Variants in FAM178B observed in about 807,000 individuals in gnomAD.
FAM178B encodes family with sequence similarity 178 member B, also known as protein FAM178B.
FAM178B carries 82 observed loss-of-function variants against 91.7 expected under a neutral mutation model. The ratio of observed to expected loss-of-function variants is 0.89; its 90% CI spans 0.75 to 1.07. FAM178B has a LOEUF of 1.07. Ranked by LOEUF, FAM178B falls within the 50% of genes least tolerant of loss-of-function variation. The probability of loss-of-function intolerance (pLI) is 0.00; values close to 1 mark genes in which losing one functional copy is unlikely to be tolerated. For missense variants in FAM178B, 769 were observed against 846.7 expected, an observed-to-expected ratio of 0.91 and a Z score of 1.14; for synonymous variants, 368 against 359.4, an observed-to-expected ratio of 1.02 and a Z score of -0.27.
At chr2:96,958,690 A>T (rs1301241440) in intron 6 of FAM178B, among the ~76,000 whole-genome samples, 1 of 90,712 alleles carries the variant, frequency 1.1e-5, no homozygotes, top group Non-Finnish European at 2.1e-5. Context: ...ACTCCATCTC[A>T]AAATACTAAA....
Position 96,949,157 on chromosome 2 carries a change from C to T in FAM178B, c.994-1255G>A, listed in dbSNP as rs78324560. Among the ~76,000 whole-genome samples the T allele has an allele frequency of 2.1e-3, 327 of 152,328 alleles. 10 individuals are homozygous for T. In the East Asian group the frequency reaches 0.057, roughly 26 times the overall value. The stretch of plus-strand genomic sequence containing the variant: ...ACGAGGGCACAGCTCAGCCAGTGCC[C>T]ATGCACACCCTATTAAAGCCCCAGG... On this transcript the variant is annotated intron_variant, in intron 7 of 16. Transcript: ENST00000490605.
At chr2:96,982,793 T>TG (rs1404316819) in intron 1 of FAM178B, among the ~76,000 whole-genome samples, 1 of 132,054 alleles carries the variant, frequency 7.6e-6, no homozygotes, top group Non-Finnish European at 1.6e-5. Flanking sequence ...TTGCCCAGGA[T>TG]GGTCTTGAAC....
chr2:96,926,369 G>C (rs1235458203), intron 9 of FAM178B, among the ~76,000 whole-genome samples: 1 of 152,178 alleles, frequency 6.6e-6, no homozygotes, highest in Non-Finnish European at 1.5e-5. Flanking sequence ...CCAGACTTTT[G>C]GTCTTCAGCG....
chr2:96,953,805 C>T (rs113060722), intron 6 of FAM178B, among the ~76,000 whole-genome samples: 3,415 of 152,300 alleles, frequency 0.022, 47 homozygotes, highest in Middle Eastern at 0.051. Flanking sequence ...CCCTTCCACG[C>T]CCTTCAGGTT....
At chr2:96,933,181 T>C (rs1204390135) in intron 8 of FAM178B, among the ~76,000 whole-genome samples, 3 of 152,078 alleles carry the variant, frequency 2.0e-5, no homozygotes, top group Non-Finnish European at 4.4e-5. Context: ...AGGTGGAGGT[T>C]GCAGTTAGCC....
intron 8 of FAM178B, among the ~76,000 whole-genome samples, chr2:96,932,595 G>A (rs568020339): frequency 6.6e-6 from 1 of 152,200 alleles, no homozygotes; most frequent in African/African-American, 2.4e-5. Flanking sequence ...ACACAGAACA[G>A]TCATTTTAGG....
chr2:96,929,244 A>C lies in FAM178B; in HGVS notation c.1155T>G (p.Pro385=). 2 of 1,551,664 alleles carry C rather than the reference A, an allele frequency of 1.3e-6. No homozygotes were observed. The highest frequency in any genetic ancestry group is 1.4e-5 in the African/African-American group (1 of 73,182). Residue 385 remains proline (P), a synonymous_variant, in exon 9 of 17, where the codon CCT becomes CCG. Transcript: ENST00000490605. ...EAFHSLGAHS[P]ALYPLGPFWH... ...AAAAGGGCCCCAGAGGGTACAGGGC[A>C]GGACTGTGGGCACCCAGGCTGTGGA... is the stretch of plus-strand genomic sequence containing the variant.
chr2:96,887,438 GTAGCTGT>G (rs2080554679), intron 14 of FAM178B, among the ~76,000 whole-genome samples: 1 of 152,160 alleles, frequency 6.6e-6, no homozygotes, highest in Non-Finnish European at 1.5e-5. Context: ...ACCCTAAAAG[GTAGCTGT>G]TCAAGTATGT....
At chr2:96,947,752 G>A (rs1559089978) in intron 8 of FAM178B, 66 bp downstream of exon 8, 1 of 931,242 alleles carries the variant, frequency 1.1e-6, no homozygotes, top group Admixed American at 2.3e-5. Flanking sequence ...TCTGGGCACT[G>A]AGAGTCACGT....
intron 8 of FAM178B, among the ~76,000 whole-genome samples, chr2:96,929,847 G>C (rs1162182312): frequency 6.6e-6 from 1 of 152,230 alleles, no homozygotes; most frequent in Non-Finnish European, 1.5e-5. Flanking sequence ...AGCCTGGGGC[G>C]TGTCTCCTAA....
At chr2:96,917,561 T>C (rs1209873825) in intron 12 of FAM178B, among the ~76,000 whole-genome samples, 2 of 152,174 alleles carry the variant, frequency 1.3e-5, no homozygotes, top group Non-Finnish European at 1.5e-5. Flanking sequence ...GGATGAATTA[T>C]TAAGACCAAA....
chr2:96,926,480 G>A (rs553941366), intron 9 of FAM178B, among the ~76,000 whole-genome samples: 1 of 152,202 alleles, frequency 6.6e-6, no homozygotes, highest in Non-Finnish European at 1.5e-5. Flanking sequence ...CCTCCTTTGT[G>A]CTCCTGGGGG....
intron 13 of FAM178B, among the ~76,000 whole-genome samples, chr2:96,900,219 C>T (rs1268562874): frequency 6.6e-6 from 1 of 152,172 alleles, no homozygotes; most frequent in Non-Finnish European, 1.5e-5. Flanking sequence ...CTTGTGCTCC[C>T]CCCTGCCTCT....
chr2:96,976,906 G>A (rs982397133), intron 1 of FAM178B, among the ~76,000 whole-genome samples: 5 of 150,922 alleles, frequency 3.3e-5, no homozygotes, highest in African/African-American at 1.2e-4. Context: ...AGAGAAACTC[G>A]ATGTGGGCTG....
At position 96,902,070 on chromosome 2, in the gene FAM178B, G is replaced by A. The variant is rs190206704; in HGVS notation, c.1650+550C>T. On this transcript the variant is annotated intron_variant, in intron 13 of 16. Transcript: ENST00000490605. Reference sequence around the variant, plus strand: ...CCACCTCAGCCTCCCAAAGTGCTGGGATTATAGGTGTGAGCTACCACACCC... The same window carrying A: ...CCACCTCAGCCTCCCAAAGTGCTGGAATTATAGGTGTGAGCTACCACACCC... Among the ~76,000 whole-genome samples, 814 of 151,998 alleles carry A rather than the reference G, an allele frequency of 5.4e-3. 3 individuals are homozygous for A. Among genetic ancestry groups the A allele is most frequent in the South Asian group, 0.015 (72 of 4,808 alleles).
At chr2:96,906,853 C>T (rs949228587) in intron 12 of FAM178B, among the ~76,000 whole-genome samples, 8 of 152,240 alleles carry the variant, frequency 5.3e-5, no homozygotes, top group Admixed American at 3.9e-4. Context: ...AGCTGCTCCA[C>T]AGTGAACTCA....
At chr2:96,933,577 C>T (rs564846657) in intron 8 of FAM178B, among the ~76,000 whole-genome samples, 1 of 152,344 alleles carries the variant, frequency 6.6e-6, no homozygotes, top group South Asian at 2.1e-4. Flanking sequence ...CTCCTGCCCC[C>T]CTTCTGGGCC....
At chr2:96,883,910 G>T (rs992579871) in intron 14 of FAM178B, among the ~76,000 whole-genome samples, 1 of 152,160 alleles carries the variant, frequency 6.6e-6, no homozygotes, top group African/African-American at 2.4e-5. Flanking sequence ...GCCCAGCCCA[G>T]GAGAAGCATT....
At chr2:96,948,266 A>G (rs2081864199) in intron 7 of FAM178B, among the ~76,000 whole-genome samples, 1 of 152,210 alleles carries the variant, frequency 6.6e-6, no homozygotes, top group African/African-American at 2.4e-5. Flanking sequence ...GGCCCAGCGT[A>G]AGGGGAGAGA....
Sources: gnomAD v4.1 joint callset for allele counts (sites outside exome capture counted in the v4.1 genomes callset) on GRCh38, gnomAD v4.1.1 for gene constraint, MANE v1.5 for transcripts, NCBI Gene and HGNC (gene_info 2026-07-23, HGNC 2026-07-21) for gene names.